Variants in KCNH7 observed in about 807,000 individuals in gnomAD.
The protein encoded by KCNH7 is potassium voltage-gated channel subfamily H member 7, also known as voltage-gated inwardly rectifying potassium channel KCNH7.
Under a neutral mutation model 120.8 loss-of-function variants are expected in KCNH7, and 49 were observed. The observed-to-expected ratio is 0.41, with a 90% confidence interval of 0.32 to 0.51. KCNH7 has a LOEUF of 0.51. Among genes scored for constraint, KCNH7 ranks in the 20% least tolerant of loss-of-function variants. The pLI is 0.38. For synonymous variants in KCNH7, 547 were observed against 516.1 expected, an observed-to-expected ratio of 1.06 and a Z score of -0.81; for missense variants, 1,097 against 1,446.6, an observed-to-expected ratio of 0.76 and a Z score of 3.92.
At chr2:162,397,727 C>T (rs1309037977) in intron 10 of KCNH7, among the ~76,000 whole-genome samples, 1 of 151,806 alleles carries the variant, frequency 6.6e-6, no homozygotes, top group Non-Finnish European at 1.5e-5. Flanking sequence ...CTAGTAGGTG[C>T]CAGGCACTGT....
chr2:162,765,884 C>T (rs959694150), intron 2 of KCNH7, among the ~76,000 whole-genome samples: 1 of 152,202 alleles, frequency 6.6e-6, no homozygotes, highest in East Asian at 1.9e-4. Context: ...CTCAGCCTCC[C>T]AAGTGTCGGG....
chr2:162,531,062 G>A (rs1340970278), intron 3 of KCNH7, among the ~76,000 whole-genome samples: 1 of 151,884 alleles, frequency 6.6e-6, no homozygotes, highest in Admixed American at 6.6e-5. Flanking sequence ...AATTTTATCT[G>A]CATATTTTTA....
chr2:162,625,103 G>A (rs187157792), intron 2 of KCNH7, among the ~76,000 whole-genome samples: 1 of 151,762 alleles, frequency 6.6e-6, no homozygotes, highest in African/African-American at 2.4e-5. Context: ...TTCCATGTTG[G>A]TCAGGTTGGT....
chr2:162,682,589 A>G (rs1238303407), intron 2 of KCNH7, among the ~76,000 whole-genome samples: 2 of 151,848 alleles, frequency 1.3e-5, no homozygotes, highest in Non-Finnish European at 2.9e-5. Context: ...AGACATAGGT[A>G]TTATAACATA....
At chr2:162,490,949 G>T (rs1690280556) in intron 6 of KCNH7, among the ~76,000 whole-genome samples, 2 of 152,196 alleles carry the variant, frequency 1.3e-5, no homozygotes, top group Non-Finnish European at 2.9e-5. Context: ...ATGGCCACAG[G>T]TATGCACTCC....
intron 9 of KCNH7, among the ~76,000 whole-genome samples, chr2:162,409,190 T>C (rs1687316112): frequency 1.3e-5 from 2 of 151,686 alleles, no homozygotes; most frequent in Admixed American, 6.6e-5. Flanking sequence ...CTTTCAAAGA[T>C]CTGCTGAAGG....
At chr2:162,832,252 G>C (rs569801705) in intron 2 of KCNH7, among the ~76,000 whole-genome samples, 1 of 152,122 alleles carries the variant, frequency 6.6e-6, no homozygotes, top group African/African-American at 2.4e-5. Context: ...TTTTGTTCTT[G>C]TCTAAAAAGC....
At chr2:162,604,906 A>AT (rs1217795388) in intron 2 of KCNH7, among the ~76,000 whole-genome samples, 2 of 152,258 alleles carry the variant, frequency 1.3e-5, no homozygotes, top group Non-Finnish European at 2.9e-5. Context: ...TAAAAACTGG[A>AT]TTTTTTAGTA....
intron 7 of KCNH7, among the ~76,000 whole-genome samples, chr2:162,440,579 C>T (rs908967213): frequency 6.6e-6 from 1 of 151,978 alleles, no homozygotes; most frequent in Non-Finnish European, 1.5e-5. Context: ...GATGCATTTA[C>T]TAATACAATC....
chr2:162,727,483 T>C (rs1172522599), intron 2 of KCNH7, among the ~76,000 whole-genome samples: 1 of 152,166 alleles, frequency 6.6e-6, no homozygotes, highest in Non-Finnish European at 1.5e-5. Flanking sequence ...TAGTTGATCT[T>C]CGTCACCCCA....
intron 2 of KCNH7, among the ~76,000 whole-genome samples, chr2:162,632,564 T>C (rs1683812204): frequency 6.6e-6 from 1 of 151,842 alleles, no homozygotes; most frequent in African/African-American, 2.4e-5. Context: ...AAAGAAACTT[T>C]CAATAAAGAA....
intron 2 of KCNH7, among the ~76,000 whole-genome samples, chr2:162,538,646 T>G (rs930639977): frequency 6.6e-6 from 1 of 152,026 alleles, no homozygotes; most frequent in Non-Finnish European, 1.5e-5. Flanking sequence ...ACTCTTTCCT[T>G]TCTTCTTATC....
Position 162,607,203 on chromosome 2 carries a change from C to T in KCNH7, c.308-70123G>A, listed in dbSNP as rs565758948. Among the ~76,000 whole-genome samples, 451 of 143,042 alleles carry T rather than the reference C, an allele frequency of 3.2e-3. 2 individuals carry two copies. Among genetic ancestry groups the T allele is most frequent in the African/African-American group, 0.011 (429 of 37,692 alleles). 93.8% of individuals were successfully genotyped at this position (143,042 alleles called of 152,430 possible). A position where few individuals can be genotyped will look rare whatever the true frequency, so the allele number is the denominator to read the frequency against. ...CAGCCTGGCCAATATGGTGAAACCCCGTCTCTACTAAAAATACAAAAAAAA... is the reference window on the plus strand; with the variant it reads ...CAGCCTGGCCAATATGGTGAAACCCTGTCTCTACTAAAAATACAAAAAAAA... On this transcript the variant is annotated intron_variant, in intron 2 of 15. Coordinates refer to ENST00000332142, the MANE Select transcript of KCNH7 (RefSeq NM_033272.4).
chr2:162,734,175 G>C (rs1350966813), intron 2 of KCNH7, among the ~76,000 whole-genome samples: 1 of 151,640 alleles, frequency 6.6e-6, no homozygotes, highest in Non-Finnish European at 1.5e-5. Flanking sequence ...TAGCATTTTT[G>C]AGTAGAAATA....
At chr2:162,469,690 C>T (rs1689430878) in intron 6 of KCNH7, among the ~76,000 whole-genome samples, 1 of 151,764 alleles carries the variant, frequency 6.6e-6, no homozygotes, top group Non-Finnish European at 1.5e-5. Flanking sequence ...TCCCCCTCCC[C>T]CTCTCCCTCT....
chr2:162,647,360 C>T (rs1473859526), intron 2 of KCNH7, among the ~76,000 whole-genome samples: 1 of 152,180 alleles, frequency 6.6e-6, no homozygotes, highest in East Asian at 1.9e-4. Context: ...GCCCCTATTA[C>T]ATATGAGGCT....
intron 6 of KCNH7, among the ~76,000 whole-genome samples, chr2:162,469,887 T>C (rs1452418179): frequency 6.6e-6 from 1 of 152,208 alleles, no homozygotes; most frequent in East Asian, 1.9e-4. Context: ...TCATATTTTT[T>C]TGGTGGAGAC....
chr2:162,685,227 G>A (rs1488919126), intron 2 of KCNH7, among the ~76,000 whole-genome samples: 1 of 151,960 alleles, frequency 6.6e-6, no homozygotes, highest in Non-Finnish European at 1.5e-5. Flanking sequence ...GATAGCATTA[G>A]GAGAAATACC....
At chr2:162,655,044 T>C (rs1684697245) in intron 2 of KCNH7, among the ~76,000 whole-genome samples, 1 of 152,108 alleles carries the variant, frequency 6.6e-6, no homozygotes, top group Non-Finnish European at 1.5e-5. Context: ...GAGGAATAAA[T>C]TGAAGAGATC....
Sources: gnomAD v4.1 joint callset for allele counts (sites outside exome capture counted in the v4.1 genomes callset) on GRCh38, gnomAD v4.1.1 for gene constraint, MANE v1.5 for transcripts, NCBI Gene and HGNC (gene_info 2026-07-23, HGNC 2026-07-21) for gene names.